Variants in KIF13A observed in about 807,000 individuals in gnomAD.
KIF13A encodes the protein kinesin-like protein KIF13A.
In KIF13A, 79 loss-of-function variants were observed where a neutral mutation model predicts 212.2. That is an observed-to-expected ratio of 0.37 (90% CI 0.31 to 0.45). The LOEUF (loss-of-function observed/expected upper bound fraction) is 0.45. Ranked by LOEUF, KIF13A falls within the 20% of genes least tolerant of loss-of-function variation. The pLI is 1.00. For missense variants in KIF13A, 1,901 were observed against 2,209.0 expected (o/e 0.86, Z 2.79); for synonymous variants, 789 against 808.6 (o/e 0.98, Z 0.41).
In KIF13A at chr6:17,789,157, C is replaced by T. The variant is rs560576254; in HGVS notation, c.3261+715G>A. Among the ~76,000 whole-genome samples the T allele has an allele frequency of 9.2e-5, 14 of 152,288 alleles. No homozygotes were observed. Among genetic ancestry groups the T allele is most frequent in the African/African-American group, 1.9e-4 (8 of 41,560 alleles). ...TGGTTTGCTGCTTTGACTATTTGTA[C>T]GTAACCCCACACTCCATGATATCAG... On this transcript the variant is annotated intron_variant, in intron 26 of 38. Coordinates refer to ENST00000259711, the MANE Select transcript of KIF13A (RefSeq NM_022113.6). The surrounding 1 kb of genome is among the most constrained non-coding windows in gnomAD (Gnocchi z 4.8).
chr6:17,869,958 C>T (rs1769850183), intron 4 of KIF13A, among the ~76,000 whole-genome samples: 1 of 152,090 alleles, frequency 6.6e-6, no homozygotes, highest in South Asian at 2.1e-4. Flanking sequence ...CTGTTTTCCA[C>T]CAGATAATGA....
At chr6:17,902,550 C>T (rs945951477) in intron 2 of KIF13A, among the ~76,000 whole-genome samples, 3 of 152,064 alleles carry the variant, frequency 2.0e-5, no homozygotes, top group African/African-American at 4.8e-5. Context: ...GAGTTTTTAC[C>T]ACACAACTCA....
Position 17,987,305 on chromosome 6 carries a change from C to T in KIF13A, c.55+104G>A. The T allele has an allele frequency of 1.1e-6, 1 of 902,508 alleles. No homozygotes were observed. Among genetic ancestry groups the T allele is most frequent in the Non-Finnish European group, 1.4e-6 (1 of 697,532 alleles). 55.9% of individuals were successfully genotyped at this position (902,508 alleles called of 1,614,324 possible). ...AGCGCGGACGCCGCCTCCGCCCCGG[C>T]CCCCCGGCCCCGGCCGCGCTCTCGC... is the stretch of plus-strand genomic sequence containing the variant. On this transcript the variant is annotated intron_variant, in intron 1 of 38. Coordinates refer to ENST00000259711, the MANE Select transcript of KIF13A (RefSeq NM_022113.6). This position sits in a 1 kb window ranked among gnomAD's most constrained non-coding sequence, Gnocchi z 7.7.
chr6:17,882,858 G>A (rs946320388), intron 3 of KIF13A, among the ~76,000 whole-genome samples: 3 of 152,052 alleles, frequency 2.0e-5, no homozygotes, highest in African/African-American at 4.8e-5. Flanking sequence ...CACGGCACCC[G>A]GCCTGCTTAT....
chr6:17,954,643 T>C (rs190165896), intron 2 of KIF13A, among the ~76,000 whole-genome samples: 5 of 152,312 alleles, frequency 3.3e-5, no homozygotes, highest in Admixed American at 3.3e-4. Flanking sequence ...AATTGTCTAT[T>C]ACATGCATTT....
In KIF13A at chr6:17,799,354, G is replaced by C. The variant is rs766700241; in HGVS notation, c.2702C>G (p.Ser901Cys). The C allele has an allele frequency of 6.2e-6, 10 of 1,613,054 alleles. No individual in the cohort carries two copies. The highest frequency in any genetic ancestry group is 7.6e-6 in the Non-Finnish European group (9 of 1,179,428). The change falls in exon 22 of 39, where the codon TCT (serine) becomes TGT (cysteine). Residue 901 changes from serine to cysteine, a missense_variant. This residue lies in a region of KIF13A where 534 missense variants were observed against 536.9 expected (regional missense o/e 0.99). Transcript: ENST00000259711. The surrounding 1 kb of genome is among the most constrained non-coding windows in gnomAD (Gnocchi z 4.4). ...CQYTFWDQCE[S>C]TVAAPVVDPE... ...GTCCACCACCGGGGCAGCCACCGTA[G>C]ACTCACACTGGTCCCAGAATGTGTA...
At position 17,764,002 on chromosome 6, in the gene KIF13A, C is replaced by A; in HGVS notation, c.*108G>T. On this transcript the variant is annotated 3_prime_UTR_variant, in exon 39 of 39. Coordinates refer to ENST00000259711, the MANE Select transcript of KIF13A (RefSeq NM_022113.6). This position sits in a 1 kb window ranked among gnomAD's most constrained non-coding sequence, Gnocchi z 5.1. ...CAGAGACAGCTGTGCAGGAAGTGAG[C>A]CTGCTTCTCTGTGGGCTCATCTTTG... 1 of 1,467,568 alleles carries A rather than the reference C, an allele frequency of 6.8e-7. No homozygotes were observed. 90.9% of individuals were successfully genotyped at this position (1,467,568 alleles called of 1,614,324 possible). A position where few individuals can be genotyped will look rare whatever the true frequency, so the allele number is the denominator to read the frequency against.
chr6:17,930,579 C>T (rs567505974), intron 2 of KIF13A, among the ~76,000 whole-genome samples: 2 of 152,296 alleles, frequency 1.3e-5, no homozygotes, highest in Admixed American at 1.3e-4. Flanking sequence ...AGTGGTACTG[C>T]CAAATTAGCT....
intron 6 of KIF13A, among the ~76,000 whole-genome samples, chr6:17,854,907 T>A (rs989950280): frequency 4.6e-5 from 7 of 152,190 alleles, no homozygotes; most frequent in African/African-American, 1.4e-4. Context: ...ATGAATCAGA[T>A]AAATATATTT....
intron 2 of KIF13A, among the ~76,000 whole-genome samples, chr6:17,983,186 A>AAG (rs1482755716): frequency 6.6e-6 from 1 of 151,720 alleles, no homozygotes; most frequent in Non-Finnish European, 1.5e-5. Context: ...AAAAAAAAAA[A>AAG]AAAGAAAGCT....
intron 3 of KIF13A, chr6:17,881,361 C>A (rs1420185772): frequency 4.3e-5 from 15 of 348,638 alleles, no homozygotes; most frequent in Non-Finnish European, 8.2e-5. Context: ...CCATGACTTA[C>A]GAATAGGATG....
intron 2 of KIF13A, among the ~76,000 whole-genome samples, 173 bp downstream of exon 2, chr6:17,986,881 G>T (rs1282832006): frequency 6.6e-6 from 1 of 152,234 alleles, no homozygotes; most frequent in Non-Finnish European, 1.5e-5. Context: ...GGAGGAGAAG[G>T]GGGGCGAGGG....
intron 32 of KIF13A, among the ~76,000 whole-genome samples, 158 bp from the exon 33 acceptor site, chr6:17,779,257 A>ATATAT (rs1561961153): frequency 2.9e-4 from 11 of 37,840 alleles, no homozygotes; most frequent in East Asian, 9.2e-4. Context: ...ATATATATAT[A>ATATAT]TTTTTTTTTT....
intron 3 of KIF13A, among the ~76,000 whole-genome samples, chr6:17,874,283 G>GTTTT (rs67558921): frequency 6.8e-6 from 1 of 147,936 alleles, no homozygotes. Flanking sequence ...TTTTGTTTTT[G>GTTTT]TTTTTTGGTG....
downstream of KIF13A, chr6:17,760,400 GTC>G (rs1284763459): frequency 6.5e-6 from 1 of 153,546 alleles, no homozygotes; most frequent in Admixed American, 6.5e-5. Flanking sequence ...GTGCAGCCTT[GTC>G]TGTCTCCAGA....
chr6:17,875,213 T>A (rs1770438009), intron 3 of KIF13A, among the ~76,000 whole-genome samples: 1 of 152,054 alleles, frequency 6.6e-6, no homozygotes, highest in African/African-American at 2.4e-5. Context: ...TTTTAGTTCT[T>A]TAAGGAATCT....
chr6:17,979,399 C>G (rs1039987143), intron 2 of KIF13A, among the ~76,000 whole-genome samples: 1 of 152,048 alleles, frequency 6.6e-6, no homozygotes, highest in Non-Finnish European at 1.5e-5. Context: ...CATCGATGTT[C>G]TTAAGAAAAA....
intron 2 of KIF13A, among the ~76,000 whole-genome samples, chr6:17,964,723 T>C (rs909348350): frequency 3.9e-5 from 6 of 152,144 alleles, no homozygotes; most frequent in African/African-American, 1.4e-4. Context: ...GTCTGGCAAA[T>C]TTTTCATGGG....
intron 2 of KIF13A, among the ~76,000 whole-genome samples, chr6:17,952,491 G>C (rs931683689): frequency 6.6e-6 from 1 of 151,988 alleles, no homozygotes; most frequent in Non-Finnish European, 1.5e-5. Context: ...AAATTAGCAA[G>C]GCTTAGTAGT....
Sources: gnomAD v4.1 joint callset for allele counts (sites outside exome capture counted in the v4.1 genomes callset) on GRCh38, gnomAD v4.1.1 for gene constraint, gnomAD v4.1.1 regional missense constraint, Gnocchi (gnomAD v3.1) non-coding constraint, MANE v1.5 for transcripts, NCBI Gene and HGNC (gene_info 2026-07-23, HGNC 2026-07-21) for gene names.